Variants in PUDP observed in about 807,000 individuals in gnomAD.
PUDP encodes the protein pseudouridine 5'-phosphatase.
In PUDP, 8 loss-of-function variants were observed where a neutral mutation model predicts 9.4. That is an observed-to-expected ratio of 0.85 (90% CI 0.50 to 1.53). The LOEUF (loss-of-function observed/expected upper bound fraction) is 1.53. PUDP is among the 40% of genes most tolerant of loss of function. The probability of loss-of-function intolerance (pLI) is 0.00; values close to 1 mark genes in which losing one functional copy is unlikely to be tolerated. For synonymous variants in PUDP, 99 were observed against 80.7 expected, an observed-to-expected ratio of 1.23 and a Z score of -1.22; for missense variants, 188 against 189.7, an observed-to-expected ratio of 0.99 and a Z score of 0.05.
intron 3 of PUDP, among the ~76,000 whole-genome samples, chrX:7,057,014 T>C (rs1486273412): frequency 2.7e-5 from 3 of 111,962 alleles, no homozygotes; most frequent in Non-Finnish European, 5.6e-5. Context: ...GAGCATGACA[T>C]TTCCAACGAC....
chrX:7,009,887 T>G (rs1302540942), intron 1 of PUDP, among the ~76,000 whole-genome samples: 1 of 111,234 alleles, frequency 9.0e-6, no homozygotes, highest in East Asian at 2.8e-4. Flanking sequence ...ATTCTAGAGG[T>G]GCAGAATTCA....
intron 3 of PUDP, among the ~76,000 whole-genome samples, chrX:6,910,129 C>T (rs942562675): frequency 8.9e-6 from 1 of 111,768 alleles, no homozygotes; most frequent in Non-Finnish European, 1.9e-5. Flanking sequence ...TCCTGCAGCA[C>T]GGAAGATGGA....
At chrX:6,744,939 T>C (rs961196553) in intron 3 of PUDP, among the ~76,000 whole-genome samples, 1 of 111,770 alleles carries the variant, frequency 8.9e-6, no homozygotes, top group African/African-American at 3.3e-5. Flanking sequence ...AAAGACAATA[T>C]CATCAACGAG....
At chrX:6,862,535 T>A (rs1434969415) in intron 3 of PUDP, among the ~76,000 whole-genome samples, 1 of 112,210 alleles carries the variant, frequency 8.9e-6, no homozygotes, top group Non-Finnish European at 1.9e-5. Context: ...AAAGTGAAAA[T>A]TTTAAAAAGA....
chrX:6,991,314 AC>A (rs767485991), intron 1 of PUDP, among the ~76,000 whole-genome samples: 97 of 111,220 alleles, frequency 8.7e-4, no homozygotes, highest in African/African-American at 3.0e-3. Context: ...GTTTGTGATC[AC>A]CAAAGTCAAG....
At position 6,800,211 on chromosome X, in the gene PUDP, T is replaced by C. The variant is rs144642450; in HGVS notation, c.*248-93745A>G. Among the ~76,000 whole-genome samples, 770 of 112,206 alleles carry C rather than the reference T, an allele frequency of 6.9e-3. 12 individuals are homozygous for C. The highest frequency in any genetic ancestry group is 0.024 in the African/African-American group (730 of 30,896). On this transcript the variant is annotated intron_variant and NMD_transcript_variant, in intron 3 of 3. Transcript: ENST00000655425. The stretch of plus-strand genomic sequence containing the variant: ...TTCCTCTTTCAGATTCCAGTCCACA[T>C]TGAGACTTTGATATAGTCCTCCTCA...
intron 1 of PUDP, among the ~76,000 whole-genome samples, chrX:7,139,026 T>C (rs1244176339): frequency 2.7e-5 from 3 of 112,169 alleles, no homozygotes; most frequent in African/African-American, 9.7e-5. Context: ...ATTTTTCTTC[T>C]TGGCTCCTAT....
chrX:6,955,878 A>G (rs1928620254), intron 3 of PUDP, among the ~76,000 whole-genome samples: 1 of 112,214 alleles, frequency 8.9e-6, no homozygotes, highest in African/African-American at 3.2e-5. Flanking sequence ...ATATAAACAT[A>G]TACACGACAC....
intron 3 of PUDP, among the ~76,000 whole-genome samples, chrX:6,772,283 T>C (rs1000232537): frequency 2.7e-5 from 3 of 111,627 alleles, no homozygotes; most frequent in East Asian, 2.8e-4. Context: ...TTTTCCTATA[T>C]TACAATGAAA....
At chrX:6,884,537 T>C (rs748895656) in intron 3 of PUDP, among the ~76,000 whole-genome samples, 33 of 111,796 alleles carry the variant, frequency 3.0e-4, no homozygotes, top group African/African-American at 1.0e-3. Context: ...ATTATTTGAG[T>C]GATACAAGAA....
intron 3 of PUDP, among the ~76,000 whole-genome samples, chrX:6,840,770 T>A (rs1293693609): frequency 9.4e-6 from 1 of 106,153 alleles, no homozygotes; most frequent in South Asian, 4.4e-4. Context: ...TGATGTGTCC[T>A]CATAGGTTCA....
chrX:7,027,756 T>G (rs1358028516), intron 1 of PUDP, among the ~76,000 whole-genome samples: 1 of 98,678 alleles, frequency 1.0e-5, no homozygotes, highest in Admixed American at 1.2e-4. Flanking sequence ...ACTATATATA[T>G]AGAATATATT....
intron 1 of PUDP, among the ~76,000 whole-genome samples, chrX:7,040,075 C>T (rs1929901408): frequency 8.9e-6 from 1 of 112,192 alleles, no homozygotes; most frequent in Middle Eastern, 4.2e-3. Context: ...AGACATCTGC[C>T]ATTTTCATAT....
chrX:7,067,664 T>A (rs1215666974), intron 3 of PUDP, among the ~76,000 whole-genome samples: 1 of 111,678 alleles, frequency 9.0e-6, no homozygotes, highest in Non-Finnish European at 1.9e-5. Context: ...TAAGTGTCAG[T>A]CAGGGTTTGT....
chrX:6,878,561 T>C (rs1356041773), intron 3 of PUDP, among the ~76,000 whole-genome samples: 1 of 111,571 alleles, frequency 9.0e-6, no homozygotes, highest in Non-Finnish European at 1.9e-5. Context: ...TCTCACTATG[T>C]TGCCCAGGCT....
intron 3 of PUDP, among the ~76,000 whole-genome samples, chrX:6,968,792 G>A (rs1444939341): frequency 9.0e-6 from 1 of 110,974 alleles, no homozygotes; most frequent in African/African-American, 3.3e-5. Flanking sequence ...GCTAATTTTT[G>A]TATTTTTAGT....
intron 1 of PUDP, among the ~76,000 whole-genome samples, chrX:6,710,893 A>C (rs1245168679): frequency 8.9e-6 from 1 of 111,937 alleles, no homozygotes; most frequent in Non-Finnish European, 1.9e-5. Context: ...GACACACCCA[A>C]AGCCTCATTG....
chrX:7,037,151 G>A (rs1380982180), intron 1 of PUDP, among the ~76,000 whole-genome samples: 1 of 111,731 alleles, frequency 9.0e-6, no homozygotes, highest in African/African-American at 3.3e-5. Flanking sequence ...AAGGGGAAGA[G>A]GAATGTGCTA....
rs1931608593 is a variant in PUDP at position 7,097,610 on chromosome X, C to T, written c.280+8010G>A. On this transcript the variant is annotated intron_variant, in intron 2 of 3. Coordinates refer to ENST00000381077, the MANE Select transcript of PUDP (RefSeq NM_012080.5). Reference sequence around the variant, plus strand: ...GATGCTGCAGATATGCCTGTCCCCTCTCCCCAAATGGATGACATACTCCAT... The same window carrying T: ...GATGCTGCAGATATGCCTGTCCCCTTTCCCCAAATGGATGACATACTCCAT... Among the ~76,000 whole-genome samples, 3 of 111,559 alleles carry T rather than the reference C, an allele frequency of 2.7e-5. 1 individual carries two copies. Among genetic ancestry groups the T allele is most frequent in the African/African-American group, 9.8e-5 (3 of 30,622 alleles).
Sources: allele counts gnomAD v4.1 joint callset (sites outside exome capture counted in the v4.1 genomes callset), GRCh38; gene constraint gnomAD v4.1.1; transcripts MANE v1.5; gene names NCBI Gene and HGNC (gene_info 2026-07-23, HGNC 2026-07-21).